RAI1: variants seen among roughly 807,000 people sequenced by gnomAD.
RAI1 encodes retinoic acid-induced protein 1.
In RAI1, 9 loss-of-function variants were observed where a neutral mutation model predicts 123.8. The ratio of observed to expected loss-of-function variants is 0.07; its 90% CI spans 0.04 to 0.13. The LOEUF is 0.13. RAI1 is among the 10% of genes least tolerant of loss of function. The probability of loss-of-function intolerance (pLI) is 1.00; values close to 1 mark genes in which losing one functional copy is unlikely to be tolerated. For missense variants in RAI1, 2,256 were observed against 2,545.8 expected (o/e 0.89, Z 2.45); for synonymous variants, 1,231 against 1,127.3 (o/e 1.09, Z -1.84).
At chr17:17,792,262 AACAG>A (rs559181662) in intron 2 of RAI1, among the ~76,000 whole-genome samples, 70 of 152,282 alleles carry the variant, frequency 4.6e-4, no homozygotes, top group African/African-American at 1.5e-3. Flanking sequence ...TGCTAGAAGG[AACAG>A]ACAGATTCCA....
intron 2 of RAI1, among the ~76,000 whole-genome samples, chr17:17,791,354 G>C (rs538691684): frequency 6.6e-6 from 1 of 152,254 alleles, no homozygotes; most frequent in Non-Finnish European, 1.5e-5. Flanking sequence ...GGTGGGGTCC[G>C]GGCCAAGGAA....
chr17:17,795,508 C>A lies in RAI1; in HGVS notation c.2560C>A (p.Pro854Thr). The change falls in exon 3 of 6, where the codon CCA becomes ACA. Residue 854 changes from proline to threonine, a missense_variant. This residue lies in a region of RAI1 where 566 missense variants were observed against 616.0 expected (regional missense o/e 0.92). Transcript: ENST00000353383. This position sits in a 1 kb window ranked among gnomAD's most constrained non-coding sequence, Gnocchi z 5.9. ...CCSTADFGDL[P>T]LLPPTSRKED... The stretch of plus-strand genomic sequence containing the variant: ...TTCCACCGCCGACTTCGGGGACCTC[C>A]CACTGCTGCCACCCACCAGCAGGAA... 6.3e-7 allele frequency: 1 copy of A among 1,591,082 alleles called. No individual in the cohort carries two copies.
At chr17:17,687,352 G>A (rs1186735519) in intron 1 of RAI1, among the ~76,000 whole-genome samples, 1 of 152,146 alleles carries the variant, frequency 6.6e-6, no homozygotes, top group Non-Finnish European at 1.5e-5. Context: ...CTGTAAATGG[G>A]GGAAGAGTGG....
intron 2 of RAI1, among the ~76,000 whole-genome samples, chr17:17,775,398 C>G (rs1409273183): frequency 3.3e-5 from 5 of 151,850 alleles, no homozygotes; most frequent in East Asian, 1.9e-4. Flanking sequence ...GAAATGGGGT[C>G]TCATCATGTC....
intron 1 of RAI1, among the ~76,000 whole-genome samples, chr17:17,716,578 G>T (rs529083481): frequency 6.6e-6 from 1 of 152,302 alleles, no homozygotes; most frequent in African/African-American, 2.4e-5. Flanking sequence ...ATGTGGTTTT[G>T]TGTCTTTTCA....
At chr17:17,804,353 G>A (rs1033313350) in intron 4 of RAI1, among the ~76,000 whole-genome samples, 2 of 152,152 alleles carry the variant, frequency 1.3e-5, no homozygotes, top group South Asian at 2.1e-4. Flanking sequence ...GGGTATGGAG[G>A]TAGGCCCAGG....
Position 17,809,888 on chromosome 17 carries a change from C to CG in RAI1, c.5710-76dup, listed in dbSNP as rs1255420931. 17 of 1,532,640 alleles carry CG rather than the reference C, an allele frequency of 1.1e-5. No individual in the cohort carries two copies. The highest frequency in any genetic ancestry group is 6.0e-5 in the South Asian group (5 of 83,566). 94.9% of individuals were successfully genotyped at this position (1,532,640 alleles called of 1,614,324 possible). ...GGGTCGCCTGGGTCTGGGGCTTAGG[C>CG]GGGGGGCCCACACTGGGGGCGGGGC... is the stretch of plus-strand genomic sequence containing the variant. On this transcript the variant is annotated intron_variant, in intron 5 of 5. Coordinates refer to ENST00000353383, the MANE Select transcript of RAI1 (RefSeq NM_030665.4). The surrounding 1 kb of genome is among the most constrained non-coding windows in gnomAD (Gnocchi z 4.9).
Position 17,800,218 on chromosome 17 carries a change from C to G in RAI1, c.5565+1705C>G, listed in dbSNP as rs1260173792. Among the ~76,000 whole-genome samples the G allele has an allele frequency of 6.6e-6, 1 of 150,788 alleles. No homozygotes were observed. The highest frequency in any genetic ancestry group is 1.5e-5 in the Non-Finnish European group (1 of 67,710). ...TCTCTCTCTCTCTCTCTCTCTCTCT[C>G]TCTCTCTCTCATTACTGGCTCCTTC... is the stretch of plus-strand genomic sequence containing the variant. On this transcript the variant is annotated intron_variant, in intron 3 of 5. Coordinates refer to ENST00000353383, the MANE Select transcript of RAI1 (RefSeq NM_030665.4). The surrounding 1 kb of genome is among the most constrained non-coding windows in gnomAD (Gnocchi z 4.7).
At chr17:17,778,503 A>G (rs2031435046) in intron 2 of RAI1, 2 of 347,176 alleles carry the variant, frequency 5.8e-6, no homozygotes, top group Non-Finnish European at 1.1e-5. Flanking sequence ...AAACTGCCCA[A>G]GGTCACCCAG....
At chr17:17,787,419 AGGT>A (rs1375212900) in intron 2 of RAI1, among the ~76,000 whole-genome samples, 1 of 152,140 alleles carries the variant, frequency 6.6e-6, no homozygotes, top group Non-Finnish European at 1.5e-5. Context: ...AGACACAGAG[AGGT>A]GGTGACGCTT....
At chr17:17,724,850 G>C (rs1052600188) in intron 2 of RAI1, among the ~76,000 whole-genome samples, 1 of 152,136 alleles carries the variant, frequency 6.6e-6, no homozygotes, top group African/African-American at 2.4e-5. Flanking sequence ...GATCTGGACA[G>C]AGCTGCAGGA....
chr17:17,743,993 G>C (rs1247326588), intron 2 of RAI1, among the ~76,000 whole-genome samples: 1 of 152,258 alleles, frequency 6.6e-6, no homozygotes, highest in Non-Finnish European at 1.5e-5. Flanking sequence ...GCCCGATTCT[G>C]GTTTGGGCTG....
chr17:17,685,661 C>G lies in RAI1; in HGVS notation c.-149+3868C>G, dbSNP rs1053419691. Among the ~76,000 whole-genome samples, 1 of 152,172 alleles carries G rather than the reference C, an allele frequency of 6.6e-6. No homozygotes were observed. Among genetic ancestry groups the G allele is most frequent in the East Asian group, 1.9e-4 (1 of 5,190 alleles). ...CCTCCATCCTGTCCCCTCCCAGGTGCTGGCCAGCAGCACTGTCAGAGCGAT... is the reference window on the plus strand; with the variant it reads ...CCTCCATCCTGTCCCCTCCCAGGTGGTGGCCAGCAGCACTGTCAGAGCGAT... On this transcript the variant is annotated intron_variant, in intron 1 of 5. Transcript: ENST00000353383. The surrounding 1 kb of genome is among the most constrained non-coding windows in gnomAD (Gnocchi z 4.0).
intron 2 of RAI1, among the ~76,000 whole-genome samples, chr17:17,729,553 G>T (rs1916202436): frequency 6.6e-6 from 1 of 152,202 alleles, no homozygotes; most frequent in Non-Finnish European, 1.5e-5. Context: ...GGCTTTTTCT[G>T]CTTCTCTGAG....
chr17:17,727,437 G>A (rs1013052448), intron 2 of RAI1, among the ~76,000 whole-genome samples: 2 of 152,214 alleles, frequency 1.3e-5, no homozygotes, highest in African/African-American at 2.4e-5. Context: ...CAGATGGGGG[G>A]ACTGAGACCC....
At chr17:17,709,471 C>G (rs1915497608) in intron 1 of RAI1, among the ~76,000 whole-genome samples, 1 of 152,224 alleles carries the variant, frequency 6.6e-6, no homozygotes. Flanking sequence ...CTCGGCCTCC[C>G]TGCTGGGTTG....
intron 1 of RAI1, among the ~76,000 whole-genome samples, chr17:17,694,582 C>T (rs903981468): frequency 2.0e-5 from 3 of 151,876 alleles, no homozygotes; most frequent in Non-Finnish European, 1.5e-5. Flanking sequence ...GAAGGGGCGG[C>T]GAGAGGGCAA....
intron 1 of RAI1, among the ~76,000 whole-genome samples, chr17:17,689,138 A>G (rs1914753407): frequency 6.6e-6 from 1 of 151,148 alleles, no homozygotes; most frequent in African/African-American, 2.4e-5. Context: ...TTTTATTTTT[A>G]GTAGAGATGG....
At position 17,681,608 on chromosome 17, in the gene RAI1, C is replaced by A; in HGVS notation, c.-334C>A. On this transcript the variant is annotated 5_prime_UTR_variant, in exon 1 of 6. Transcript: ENST00000353383. ...AGTGCAGCGAGGGCGAGAGGCGAGC[C>A]GAGCAGGCCGCCCTGCCCGCGGCCC... 1 of 199,694 alleles carries A rather than the reference C, an allele frequency of 5.0e-6. No individual in the cohort carries two copies. The highest frequency in any genetic ancestry group is 9.9e-6 in the Non-Finnish European group (1 of 100,738). The allele number at this position is 199,694 out of a possible 1,614,324, so 12.4% of individuals were successfully genotyped here. A position where few individuals can be genotyped will look rare whatever the true frequency, so the allele number is the denominator to read the frequency against.
Sources: allele counts gnomAD v4.1 joint callset (sites outside exome capture counted in the v4.1 genomes callset), GRCh38; gene constraint gnomAD v4.1.1; regional missense constraint gnomAD v4.1.1; non-coding constraint Gnocchi (gnomAD v3.1); transcripts MANE v1.5; gene names NCBI Gene and HGNC (gene_info 2026-07-23, HGNC 2026-07-21).